The following BCKDHB variants were observed in gnomAD, a reference collection of about 807,000 sequenced individuals.
The protein encoded by BCKDHB is branched chain keto acid dehydrogenase E1 subunit beta.
In BCKDHB, 41 loss-of-function variants were observed where a neutral mutation model predicts 48.5. The ratio of observed to expected loss-of-function variants is 0.85; its 90% confidence interval spans 0.66 to 1.10. The LOEUF (loss-of-function observed/expected upper bound fraction) is 1.10. Ranked by LOEUF, BCKDHB falls within the 50% of genes least tolerant of loss-of-function variation. The pLI is 0.00. For synonymous variants in BCKDHB, 201 were observed against 174.8 expected, an observed-to-expected ratio of 1.15 and a Z score of -1.18; for missense variants, 496 against 494.2, an observed-to-expected ratio of 1.00 and a Z score of -0.03.
chr6:80,106,657 C>T (rs1363845112), upstream of BCKDHB: 2 of 1,543,550 alleles, frequency 1.3e-6, no homozygotes, highest in African/African-American at 1.4e-5. Context: ...AGGCGGCGTG[C>T]GGCTGCATAG....
At chr6:80,174,883 TC>T (rs1275978004) in intron 6 of BCKDHB, among the ~76,000 whole-genome samples, 28 of 152,228 alleles carry the variant, frequency 1.8e-4, no homozygotes, top group Non-Finnish European at 4.1e-4. Context: ...ATTTACAAAA[TC>T]TATGCATTTA....
intron 9 of BCKDHB, among the ~76,000 whole-genome samples, chr6:80,291,421 G>T (rs931464206): frequency 1.3e-5 from 2 of 152,272 alleles, no homozygotes; most frequent in East Asian, 1.9e-4. Flanking sequence ...ATATTAATAA[G>T]TATTTAAGAA....
the BCKDHB span, among the ~76,000 whole-genome samples, chr6:80,416,752 T>C: frequency 1.4e-4 from 21 of 147,920 alleles, no homozygotes; most frequent in South Asian, 4.5e-3. Flanking sequence ...ATGTATATTC[T>C]GGGTTTTTTA....
intron 3 of BCKDHB, among the ~76,000 whole-genome samples, chr6:80,137,601 T>TG (rs781387280): frequency 2.6e-5 from 4 of 152,144 alleles, no homozygotes; most frequent in Non-Finnish European, 5.9e-5. Flanking sequence ...ATATCAGAGC[T>TG]GGGGAGAAAT....
chr6:80,339,747 A>T (rs1769796469), intron 9 of BCKDHB, among the ~76,000 whole-genome samples: 1 of 152,186 alleles, frequency 6.6e-6, no homozygotes, highest in Non-Finnish European at 1.5e-5. Context: ...GGCTTCTAAG[A>T]CTGAACTTAA....
chr6:80,358,646 C>A, the BCKDHB span, among the ~76,000 whole-genome samples: 1 of 152,146 alleles, frequency 6.6e-6, no homozygotes, highest in Admixed American at 6.5e-5. Context: ...TGTATGATTC[C>A]TTTCATATGA....
chr6:80,301,390 C>A (rs951463523), intron 9 of BCKDHB, among the ~76,000 whole-genome samples: 43 of 152,118 alleles, frequency 2.8e-4, no homozygotes, highest in Non-Finnish European at 4.6e-4. Context: ...TCATAGAATA[C>A]TGTGGACAAT....
At chr6:80,230,584 C>T (rs1348598893) in intron 8 of BCKDHB, among the ~76,000 whole-genome samples, 2 of 152,106 alleles carry the variant, frequency 1.3e-5, no homozygotes, top group Non-Finnish European at 2.9e-5. Flanking sequence ...CTTAATTATT[C>T]AACTCTGCCC....
At chr6:80,343,099 C>T (rs566642637) in intron 9 of BCKDHB, among the ~76,000 whole-genome samples, 20 of 152,298 alleles carry the variant, frequency 1.3e-4, no homozygotes, top group African/African-American at 4.8e-4. Context: ...GTACACACAT[C>T]AGTCAGGCAA....
At chr6:80,195,582 A>C (rs1026533197) in intron 6 of BCKDHB, among the ~76,000 whole-genome samples, 12 of 152,102 alleles carry the variant, frequency 7.9e-5, no homozygotes, top group Non-Finnish European at 1.8e-4. Flanking sequence ...AGCCTTAATG[A>C]CTCTGTCATT....
At chr6:80,111,769 C>G (rs570257719) in intron 1 of BCKDHB, among the ~76,000 whole-genome samples, 1 of 151,952 alleles carries the variant, frequency 6.6e-6, no homozygotes, top group Non-Finnish European at 1.5e-5. Flanking sequence ...AAGTAAAACC[C>G]AAAGGAGAAC....
At chr6:80,384,358 T>A in the BCKDHB span, among the ~76,000 whole-genome samples, 1 of 151,484 alleles carries the variant, frequency 6.6e-6, no homozygotes, top group Non-Finnish European at 1.5e-5. Context: ...CTTTTTTTTT[T>A]TTTTTGTTGT....
intron 9 of BCKDHB, among the ~76,000 whole-genome samples, chr6:80,274,665 G>C (rs1449429971): frequency 3.9e-5 from 6 of 151,908 alleles, no homozygotes; most frequent in Non-Finnish European, 8.8e-5. Flanking sequence ...AATTAAAAAA[G>C]GAAAACAAGT....
At chr6:80,237,602 C>T (rs1776198515) in intron 8 of BCKDHB, among the ~76,000 whole-genome samples, 1 of 152,152 alleles carries the variant, frequency 6.6e-6, no homozygotes, top group African/African-American at 2.4e-5. Context: ...TCACAGTAAA[C>T]TTCTGGAGTG....
At chr6:80,199,551 C>A (rs1237708148) in intron 6 of BCKDHB, among the ~76,000 whole-genome samples, 1 of 151,276 alleles carries the variant, frequency 6.6e-6, no homozygotes. Flanking sequence ...CCTCGGGGGG[C>A]AGATCACCTG....
chr6:80,118,469 C>A (rs550210616), intron 1 of BCKDHB, among the ~76,000 whole-genome samples: 5 of 152,016 alleles, frequency 3.3e-5, no homozygotes, highest in African/African-American at 1.2e-4. Context: ...TTGATAGCTA[C>A]TGACTGATCA....
At chr6:80,424,552 A>T in the BCKDHB span, among the ~76,000 whole-genome samples, 1 of 152,150 alleles carries the variant, frequency 6.6e-6, no homozygotes, top group Non-Finnish European at 1.5e-5. Context: ...AAACTTTAAA[A>T]ATCTAAGTTT....
intron 8 of BCKDHB, among the ~76,000 whole-genome samples, chr6:80,263,446 C>T (rs1236292359): frequency 6.6e-6 from 1 of 152,098 alleles, no homozygotes. Context: ...GTTATATACA[C>T]TACAAAAGAT....
the BCKDHB span, among the ~76,000 whole-genome samples, chr6:80,366,794 A>G: frequency 6.6e-6 from 1 of 152,092 alleles, no homozygotes; most frequent in African/African-American, 2.4e-5. Context: ...TCTAGCCTAC[A>G]GTCTAGCTAC....
Sources: allele counts gnomAD v4.1 joint callset (sites outside exome capture counted in the v4.1 genomes callset), GRCh38; gene constraint gnomAD v4.1.1; transcripts MANE v1.5; gene names NCBI Gene and HGNC (gene_info 2026-07-23, HGNC 2026-07-21).